Variants in SHISA9 observed in about 807,000 individuals in gnomAD.
The protein encoded by SHISA9 is shisa family member 9.
Under a neutral mutation model 38.0 loss-of-function variants are expected in SHISA9, and 13 were observed. The ratio of observed to expected loss-of-function variants is 0.34; its 90% confidence interval spans 0.22 to 0.54. The LOEUF (loss-of-function observed/expected upper bound fraction) is 0.54. SHISA9 is among the 20% of genes least tolerant of loss of function. The probability of loss-of-function intolerance (pLI) is 0.91; values close to 1 mark genes in which losing one functional copy is unlikely to be tolerated. For missense variants in SHISA9, 538 were observed against 575.8 expected, an observed-to-expected ratio of 0.93 and a Z score of 0.67; for synonymous variants, 275 against 242.0, an observed-to-expected ratio of 1.14 and a Z score of -1.27.
intron 2 of SHISA9, among the ~76,000 whole-genome samples, chr16:13,014,018 C>T (rs948134738): frequency 1.3e-5 from 2 of 152,258 alleles, no homozygotes; most frequent in African/African-American, 2.4e-5. Flanking sequence ...CGTGAACCAC[C>T]GGGCCTGGCC....
intron 2 of SHISA9, chr16:13,203,172 T>A: frequency 5.1e-6 from 2 of 393,448 alleles, no homozygotes; most frequent in Middle Eastern, 6.6e-4. Context: ...TGAGCACATC[T>A]TTTGAGATGA....
intron 2 of SHISA9, among the ~76,000 whole-genome samples, chr16:13,001,911 G>A (rs2072530818): frequency 6.6e-6 from 1 of 152,176 alleles, no homozygotes; most frequent in Non-Finnish European, 1.5e-5. Context: ...ATGATAAAAT[G>A]TTAAATGTGG....
chr16:13,489,883 T>C, the SHISA9 span, among the ~76,000 whole-genome samples: 1 of 152,146 alleles, frequency 6.6e-6, no homozygotes, highest in Non-Finnish European at 1.5e-5. Context: ...AAGTAGCAGA[T>C]CTGGGATTGG....
At chr16:13,379,636 G>A in the SHISA9 span, among the ~76,000 whole-genome samples, 5 of 152,204 alleles carry the variant, frequency 3.3e-5, no homozygotes, top group African/African-American at 1.2e-4. Flanking sequence ...TCCAGTCCCT[G>A]TGCCTAACAA....
Position 13,116,766 on chromosome 16 carries a change from T to C in SHISA9, c.692-86628T>C, listed in dbSNP as rs188053107. Among the ~76,000 whole-genome samples the C allele has an allele frequency of 9.8e-5, 15 of 152,310 alleles. No homozygotes were observed. In the East Asian group the frequency reaches 2.5e-3, roughly 25 times the overall value. ...GATATTGTCTACCCTTGAGGATTAC[T>C]GAACAAAGGAGGTTTCATACGTGAA... On this transcript the variant is annotated intron_variant, in intron 2 of 4. Coordinates refer to ENST00000558583, the MANE Select transcript of SHISA9 (RefSeq NM_001145204.3).
the SHISA9 span, among the ~76,000 whole-genome samples, chr16:13,451,178 G>A: frequency 5.3e-5 from 8 of 152,170 alleles, no homozygotes; most frequent in African/African-American, 7.2e-5. Context: ...TCTGAGGTGC[G>A]TGTTCCATGC....
chr16:13,361,866 A>T, the SHISA9 span, among the ~76,000 whole-genome samples: 1 of 152,164 alleles, frequency 6.6e-6, no homozygotes, highest in Admixed American at 6.5e-5. Context: ...ATAACTAATT[A>T]TTTCCACTAT....
chr16:13,186,440 G>A (rs1020350251), intron 2 of SHISA9, among the ~76,000 whole-genome samples: 3 of 151,746 alleles, frequency 2.0e-5, no homozygotes, highest in African/African-American at 7.3e-5. Context: ...TGGAATTACA[G>A]GTGCATGCCA....
At chr16:12,999,218 G>T (rs1596574141) in intron 2 of SHISA9, among the ~76,000 whole-genome samples, 1 of 152,126 alleles carries the variant, frequency 6.6e-6, no homozygotes, top group Non-Finnish European at 1.5e-5. Flanking sequence ...ACACGTGGGG[G>T]CTGCTTTAAA....
the SHISA9 span, among the ~76,000 whole-genome samples, chr16:13,536,818 A>G: frequency 6.6e-6 from 1 of 152,264 alleles, no homozygotes; most frequent in Non-Finnish European, 1.5e-5. Flanking sequence ...ACTGTGAAAC[A>G]GTTACATCTT....
chr16:13,163,933 T>C (rs1249786393), intron 2 of SHISA9, among the ~76,000 whole-genome samples: 2 of 152,064 alleles, frequency 1.3e-5, no homozygotes, highest in Non-Finnish European at 2.9e-5. Flanking sequence ...ATAAACACAG[T>C]ATTAATTTTC....
the SHISA9 span, among the ~76,000 whole-genome samples, chr16:13,312,241 G>A: frequency 6.6e-6 from 1 of 152,190 alleles, no homozygotes; most frequent in Non-Finnish European, 1.5e-5. Flanking sequence ...AAGCAAATGG[G>A]TGTGGTCTTG....
At chr16:13,101,333 C>T (rs992061918) in intron 2 of SHISA9, among the ~76,000 whole-genome samples, 8 of 152,100 alleles carry the variant, frequency 5.3e-5, no homozygotes, top group Non-Finnish European at 8.8e-5. Context: ...TTTATTGTAT[C>T]GATTATGTCA....
chr16:13,450,878 T>C, the SHISA9 span, among the ~76,000 whole-genome samples: 1 of 152,306 alleles, frequency 6.6e-6, no homozygotes, highest in South Asian at 2.1e-4. Flanking sequence ...GCAGGAGGCA[T>C]AGGAATCATG....
chr16:13,393,459 C>T, the SHISA9 span, among the ~76,000 whole-genome samples: 1 of 152,128 alleles, frequency 6.6e-6, no homozygotes, highest in African/African-American at 2.4e-5. Flanking sequence ...ACTGATGTCA[C>T]CCCCTTCTTG....
intron 2 of SHISA9, among the ~76,000 whole-genome samples, chr16:13,072,406 C>T: frequency 6.6e-6 from 1 of 152,106 alleles, no homozygotes. Context: ...CTTTGCAGGG[C>T]CAGGGGAGGA....
intron 2 of SHISA9, among the ~76,000 whole-genome samples, chr16:13,100,563 G>A (rs1023847691): frequency 6.6e-6 from 1 of 152,172 alleles, no homozygotes; most frequent in African/African-American, 2.4e-5. Context: ...ATATTCTGGG[G>A]CTGGCAATGT....
the SHISA9 span, among the ~76,000 whole-genome samples, chr16:13,352,175 T>G: frequency 6.6e-6 from 1 of 152,104 alleles, no homozygotes; most frequent in Non-Finnish European, 1.5e-5. Flanking sequence ...TTCTTATATC[T>G]CCTTTAAAAA....
intron 2 of SHISA9, among the ~76,000 whole-genome samples, chr16:13,033,365 T>C (rs1342237334): frequency 6.6e-6 from 1 of 152,154 alleles, no homozygotes; most frequent in African/African-American, 2.4e-5. Flanking sequence ...ACCAACACAC[T>C]TCCACTATAA....
Sources: allele counts gnomAD v4.1 joint callset (sites outside exome capture counted in the v4.1 genomes callset), GRCh38; gene constraint gnomAD v4.1.1; transcripts MANE v1.5; gene names NCBI Gene and HGNC (gene_info 2026-07-23, HGNC 2026-07-21).